MAGI2: variants seen among roughly 807,000 people sequenced by gnomAD.
MAGI2 encodes membrane associated guanylate kinase, WW and PDZ domain containing 2.
MAGI2 carries 35 observed loss-of-function variants against 133.3 expected under a neutral mutation model. The observed-to-expected ratio is 0.26, with a 90% CI of 0.20 to 0.35. The LOEUF is 0.35. Among genes scored for constraint, MAGI2 ranks in the 10% least tolerant of loss-of-function variants. MAGI2 has a pLI of 1.00. For synonymous variants in MAGI2, 729 were observed against 710.6 expected (o/e 1.03, Z -0.41); for missense variants, 1,636 against 1,863.4 (o/e 0.88, Z 2.25).
chr7:78,625,022 C>T (rs1207488422), intron 3 of MAGI2, among the ~76,000 whole-genome samples: 1 of 151,844 alleles, frequency 6.6e-6, no homozygotes, highest in Non-Finnish European at 1.5e-5. Flanking sequence ...CTATTATTGC[C>T]CCTGAAGACC....
chr7:78,774,022 T>C (rs1382689094), intron 2 of MAGI2, among the ~76,000 whole-genome samples: 1 of 152,168 alleles, frequency 6.6e-6, no homozygotes, highest in African/African-American at 2.4e-5. Flanking sequence ...TCCAAGAATA[T>C]CTATTTTTAA....
intron 20 of MAGI2, among the ~76,000 whole-genome samples, chr7:78,117,077 C>T (rs1819941913): frequency 6.7e-6 from 1 of 150,192 alleles, no homozygotes; most frequent in South Asian, 2.1e-4. Context: ...GATGAGTTTG[C>T]AGGTGTCTTC....
chr7:78,917,601 A>G (rs545049208), intron 2 of MAGI2, among the ~76,000 whole-genome samples: 2 of 152,248 alleles, frequency 1.3e-5, no homozygotes, highest in South Asian at 4.1e-4. Context: ...CAATAATTGA[A>G]TTCAATCCTG....
chr7:79,114,365 G>A (rs972607165), intron 1 of MAGI2, among the ~76,000 whole-genome samples: 1 of 152,168 alleles, frequency 6.6e-6, no homozygotes, highest in African/African-American at 2.4e-5. Context: ...GGCTTACCAA[G>A]AGTCAGGGTG....
intron 5 of MAGI2, among the ~76,000 whole-genome samples, chr7:78,492,838 T>C (rs1239919764): frequency 6.6e-6 from 1 of 152,196 alleles, no homozygotes; most frequent in Non-Finnish European, 1.5e-5. Flanking sequence ...TACACATACA[T>C]AGGCTACATT....
At chr7:78,928,407 TA>T (rs58577482) in intron 2 of MAGI2, among the ~76,000 whole-genome samples, 4,182 of 148,240 alleles carry the variant, frequency 0.028, 163 homozygotes, top group African/African-American at 0.089. Flanking sequence ...ACTAATTAAT[TA>T]AAAAAAAAAC....
At chr7:79,105,242 CA>C (rs1416988625) in intron 1 of MAGI2, among the ~76,000 whole-genome samples, 2 of 152,164 alleles carry the variant, frequency 1.3e-5, no homozygotes, top group Non-Finnish European at 2.9e-5. Flanking sequence ...ATATAATCCC[CA>C]GCAGAGTGCA....
intron 21 of MAGI2, among the ~76,000 whole-genome samples, chr7:78,032,809 T>A (rs2471610): frequency 0.71 from 108,581 of 151,880 alleles, 38,909 homozygotes; most frequent in Middle Eastern, 0.81. Context: ...TCATTTGGAT[T>A]CTTGGGCTAA....
At chr7:78,513,562 A>G (rs964467704) in intron 4 of MAGI2, among the ~76,000 whole-genome samples, 1 of 152,192 alleles carries the variant, frequency 6.6e-6, no homozygotes, top group African/African-American at 2.4e-5. Flanking sequence ...TGATTAGAAA[A>G]AAAGCTTAGA....
intron 1 of MAGI2, among the ~76,000 whole-genome samples, chr7:79,311,480 C>T (rs1346242016): frequency 6.6e-6 from 1 of 152,104 alleles, no homozygotes; most frequent in Non-Finnish European, 1.5e-5. Flanking sequence ...TCAATATCCC[C>T]CTCACTTGAC....
intron 1 of MAGI2, among the ~76,000 whole-genome samples, chr7:79,067,421 A>T (rs1814466536): frequency 6.6e-6 from 1 of 152,168 alleles, no homozygotes; most frequent in Non-Finnish European, 1.5e-5. Flanking sequence ...TTAATGGTGT[A>T]TAGGAATGCT....
At chr7:78,365,602 C>T (rs1793295951) in intron 7 of MAGI2, among the ~76,000 whole-genome samples, 1 of 152,144 alleles carries the variant, frequency 6.6e-6, no homozygotes, top group Admixed American at 6.5e-5. Context: ...AACTGTTAAG[C>T]ACTGAGCCCA....
At chr7:79,151,305 T>C (rs1308943074) in intron 1 of MAGI2, among the ~76,000 whole-genome samples, 1 of 152,158 alleles carries the variant, frequency 6.6e-6, no homozygotes, top group Admixed American at 6.6e-5. Context: ...ACAAAAAAAT[T>C]AGTATTTAAT....
intron 1 of MAGI2, among the ~76,000 whole-genome samples, chr7:79,367,165 G>A (rs975563217): frequency 3.3e-5 from 5 of 152,136 alleles, no homozygotes; most frequent in Non-Finnish European, 7.3e-5. Context: ...TTACCCATCC[G>A]TCGCAAGAAT....
intron 2 of MAGI2, among the ~76,000 whole-genome samples, chr7:78,819,595 GTAT>G (rs1447159735): frequency 1.3e-5 from 2 of 151,994 alleles, no homozygotes. Context: ...GTGTGTGTCT[GTAT>G]TAGAGAGAGA....
intron 2 of MAGI2, among the ~76,000 whole-genome samples, chr7:78,802,861 A>G (rs1386309348): frequency 6.6e-6 from 1 of 151,802 alleles, no homozygotes; most frequent in Non-Finnish European, 1.5e-5. Flanking sequence ...GGCATATGAG[A>G]TATCTCCATA....
At chr7:78,968,881 G>A (rs1043353653) in intron 2 of MAGI2, among the ~76,000 whole-genome samples, 10 of 152,082 alleles carry the variant, frequency 6.6e-5, no homozygotes, top group Non-Finnish European at 2.9e-5. Context: ...TAATACAGGA[G>A]TTATTAAGAA....
At chr7:78,750,023 T>TC (rs1385968930) in intron 2 of MAGI2, among the ~76,000 whole-genome samples, 4 of 152,108 alleles carry the variant, frequency 2.6e-5, no homozygotes, top group Admixed American at 6.6e-5. Context: ...CCTAATGCTA[T>TC]CCCTCCTCTA....
At chr7:78,050,226 C>G (rs1811872929) in intron 21 of MAGI2, among the ~76,000 whole-genome samples, 1 of 152,172 alleles carries the variant, frequency 6.6e-6, no homozygotes, top group Non-Finnish European at 1.5e-5. Flanking sequence ...TTTTCATACT[C>G]AATTTTGTCC....
Sources: allele counts gnomAD v4.1 joint callset (sites outside exome capture counted in the v4.1 genomes callset), GRCh38; gene constraint gnomAD v4.1.1; transcripts MANE v1.5; gene names NCBI Gene and HGNC (gene_info 2026-07-23, HGNC 2026-07-21).